The following GPHN variants were observed in gnomAD, a reference collection of about 807,000 sequenced individuals.
GPHN encodes the protein gephyrin.
Under a neutral mutation model 95.5 loss-of-function variants are expected in GPHN, and 17 were observed. That is an observed-to-expected ratio of 0.18 (90% CI 0.12 to 0.27). GPHN has a LOEUF of 0.27. Ranked by LOEUF, GPHN falls within the 10% of genes least tolerant of loss-of-function variation. The probability of loss-of-function intolerance (pLI) is 1.00; values close to 1 mark genes in which losing one functional copy is unlikely to be tolerated. For missense variants in GPHN, 660 were observed against 978.1 expected (o/e 0.67, Z 4.34); for synonymous variants, 320 against 322.5 (o/e 0.99, Z 0.08).
the GPHN span, chr14:67,555,678 T>C: frequency 8.4e-5 from 99 of 1,176,402 alleles, no homozygotes; most frequent in Non-Finnish European, 1.1e-4. Flanking sequence ...TTGAAAATCC[T>C]TACCCTGACA....
At chr14:66,794,450 T>C (rs1477339468) in intron 3 of GPHN, among the ~76,000 whole-genome samples, 2 of 152,234 alleles carry the variant, frequency 1.3e-5, no homozygotes, top group African/African-American at 4.8e-5. Flanking sequence ...CTGTTTTCTC[T>C]ATAAATGACC....
At chr14:67,542,647 T>C in the GPHN span, among the ~76,000 whole-genome samples, 1 of 152,248 alleles carries the variant, frequency 6.6e-6, no homozygotes, top group Admixed American at 6.5e-5. Flanking sequence ...TGACCACCTT[T>C]CCTAATGTTT....
the GPHN span, chr14:67,642,067 T>G: frequency 9.8e-7 from 1 of 1,021,004 alleles, no homozygotes; most frequent in Non-Finnish European, 1.4e-6. Flanking sequence ...ATTTTAAATT[T>G]TACTGTGACA....
intron 10 of GPHN, among the ~76,000 whole-genome samples, chr14:67,044,190 A>C (rs1187668310): frequency 6.6e-6 from 1 of 152,078 alleles, no homozygotes; most frequent in Non-Finnish European, 1.5e-5. Flanking sequence ...TACAACAATT[A>C]GCCAGGCATG....
chr14:67,698,699 C>T, the GPHN span, among the ~76,000 whole-genome samples: 1 of 152,106 alleles, frequency 6.6e-6, no homozygotes, highest in Non-Finnish European at 1.5e-5. Flanking sequence ...TTATACTTCT[C>T]CTGAAAAGAA....
At chr14:67,460,358 G>A in the GPHN span, among the ~76,000 whole-genome samples, 1 of 152,248 alleles carries the variant, frequency 6.6e-6, no homozygotes, top group East Asian at 1.9e-4. Flanking sequence ...TGTGAGGTGT[G>A]AATTATAACA....
At chr14:67,587,196 TTC>T in the GPHN span, 2 of 1,613,940 alleles carry the variant, frequency 1.2e-6, no homozygotes, top group South Asian at 1.1e-5. Flanking sequence ...AGTTCTTTTC[TTC>T]TGTTTCCTGT....
intron 2 of GPHN, among the ~76,000 whole-genome samples, chr14:66,772,461 G>C (rs541858928): frequency 6.6e-6 from 1 of 152,294 alleles, no homozygotes; most frequent in African/African-American, 2.4e-5. Context: ...CCTTAAAATA[G>C]GGAGGTTATC....
intron 8 of GPHN, among the ~76,000 whole-genome samples, chr14:66,948,278 A>G (rs1042167834): frequency 1.3e-5 from 2 of 152,138 alleles, no homozygotes; most frequent in Non-Finnish European, 2.9e-5. Context: ...TTTAGTAAGT[A>G]TAAATATTCC....
chr14:67,018,101 GTAAC>G (rs891948885), intron 9 of GPHN, among the ~76,000 whole-genome samples: 4 of 152,016 alleles, frequency 2.6e-5, no homozygotes, highest in African/African-American at 9.7e-5. Context: ...TGGAATATGA[GTAAC>G]TATTAACTCC....
the GPHN span, among the ~76,000 whole-genome samples, chr14:67,440,049 T>A: frequency 2.0e-5 from 3 of 152,122 alleles, no homozygotes; most frequent in Non-Finnish European, 4.4e-5. Context: ...TTGGCCAGGC[T>A]GGTCTTGAAC....
chr14:66,550,313 A>G (rs901857258), intron 1 of GPHN, among the ~76,000 whole-genome samples: 1 of 152,216 alleles, frequency 6.6e-6, no homozygotes, highest in African/African-American at 2.4e-5. Context: ...ACCCATCAAG[A>G]CTTCACTGAT....
intron 2 of GPHN, chr14:66,709,404 A>G (rs746552300): frequency 6.8e-5 from 31 of 455,970 alleles, no homozygotes; most frequent in African/African-American, 5.6e-4. Flanking sequence ...CACAGATACT[A>G]CTGAACCCAA....
chr14:67,509,104 A>T, the GPHN span, among the ~76,000 whole-genome samples: 1 of 152,118 alleles, frequency 6.6e-6, no homozygotes, highest in Admixed American at 6.6e-5. Context: ...GCAAGAGGAA[A>T]ATTTTGGTTT....
At chr14:67,709,704 C>T in the GPHN span, among the ~76,000 whole-genome samples, 1 of 152,158 alleles carries the variant, frequency 6.6e-6, no homozygotes, top group Non-Finnish European at 1.5e-5. Context: ...CATCTTCTAC[C>T]AGGCCTGAAG....
the GPHN span, among the ~76,000 whole-genome samples, chr14:67,509,748 T>C: frequency 6.6e-6 from 1 of 152,222 alleles, no homozygotes; most frequent in South Asian, 2.1e-4. Context: ...GGCTTATCCC[T>C]GTAATCCCAG....
At chr14:66,871,055 A>G (rs1014453904) in intron 4 of GPHN, among the ~76,000 whole-genome samples, 2 of 152,214 alleles carry the variant, frequency 1.3e-5, no homozygotes, top group African/African-American at 2.4e-5. Context: ...AATGAACCAC[A>G]TCTCTTTTAG....
chr14:67,411,754 C>A, the GPHN span, among the ~76,000 whole-genome samples: 1 of 152,240 alleles, frequency 6.6e-6, no homozygotes, highest in African/African-American at 2.4e-5. Flanking sequence ...AAGACACACG[C>A]TTCAGTACCC....
the GPHN span, among the ~76,000 whole-genome samples, chr14:67,411,483 G>A: frequency 1.3e-5 from 2 of 152,260 alleles, no homozygotes; most frequent in Non-Finnish European, 2.9e-5. Context: ...GTCTGATCCC[G>A]ATCCTGGCTC....
Sources: gnomAD v4.1 joint callset for allele counts (sites outside exome capture counted in the v4.1 genomes callset) on GRCh38, gnomAD v4.1.1 for gene constraint, MANE v1.5 for transcripts, NCBI Gene and HGNC (gene_info 2026-07-23, HGNC 2026-07-21) for gene names.